Variants in TMCC1 observed in about 807,000 individuals in gnomAD.
The protein encoded by TMCC1 is transmembrane and coiled-coil domains protein 1.
TMCC1 carries 15 observed loss-of-function variants against 52.4 expected under a neutral mutation model. The observed-to-expected ratio is 0.29, with a 90% CI of 0.19 to 0.44. The LOEUF is 0.44. TMCC1 is among the 20% of genes least tolerant of loss of function. The pLI, the probability that TMCC1 is intolerant of heterozygous loss-of-function variation, is 1.00. For missense variants in TMCC1, 503 were observed against 806.0 expected, an observed-to-expected ratio of 0.62 and a Z score of 4.55; for synonymous variants, 279 against 301.9, an observed-to-expected ratio of 0.92 and a Z score of 0.79.
At chr3:129,837,757 C>A (rs893486061) in intron 2 of TMCC1, among the ~76,000 whole-genome samples, 1 of 152,022 alleles carries the variant, frequency 6.6e-6, no homozygotes, top group Non-Finnish European at 1.5e-5. Context: ...ACAGTAAAAA[C>A]TCTAATGAAA....
intron 4 of TMCC1, among the ~76,000 whole-genome samples, chr3:129,778,337 CA>C (rs2055210653): frequency 6.6e-6 from 1 of 152,078 alleles, no homozygotes; most frequent in Admixed American, 6.5e-5. Flanking sequence ...ACACTAAGGT[CA>C]AAAGAGCATG....
intron 4 of TMCC1, among the ~76,000 whole-genome samples, chr3:129,766,427 A>G (rs2054135714): frequency 6.6e-6 from 1 of 152,218 alleles, no homozygotes; most frequent in African/African-American, 2.4e-5. Context: ...GAATACAAAG[A>G]TGACTGTGTT....
intron 2 of TMCC1, among the ~76,000 whole-genome samples, chr3:129,835,179 T>G (rs765284533): frequency 1.3e-5 from 2 of 152,220 alleles, no homozygotes; most frequent in African/African-American, 2.4e-5. Flanking sequence ...CTCTTTCCTT[T>G]GATCCTCTTG....
intron 4 of TMCC1, among the ~76,000 whole-genome samples, chr3:129,733,460 C>T (rs2050704534): frequency 6.6e-6 from 1 of 152,140 alleles, no homozygotes; most frequent in African/African-American, 2.4e-5. Context: ...ACCATGGAAG[C>T]CTCTTAGTAG....
intron 1 of TMCC1, chr3:129,893,191 G>A (rs967810374): frequency 6.6e-6 from 1 of 152,276 alleles, no homozygotes; most frequent in African/African-American, 2.4e-5. Context: ...CCTCGGCCCT[G>A]GGATGCTGGG....
intron 4 of TMCC1, among the ~76,000 whole-genome samples, chr3:129,691,504 G>A (rs551400445): frequency 9.7e-4 from 147 of 152,064 alleles, no homozygotes; most frequent in Admixed American, 1.8e-3. Context: ...ACAACAGCCA[G>A]GCGTGGTGGC....
intron 4 of TMCC1, among the ~76,000 whole-genome samples, chr3:129,765,205 T>C (rs929159340): frequency 1.3e-5 from 2 of 151,784 alleles, no homozygotes; most frequent in African/African-American, 4.8e-5. Flanking sequence ...AAAAATTATA[T>C]ATATGATATT....
chr3:129,704,432 T>G (rs2108980519), intron 4 of TMCC1, among the ~76,000 whole-genome samples: 1 of 152,340 alleles, frequency 6.6e-6, no homozygotes, highest in East Asian at 1.9e-4. Context: ...ATTTGTTTAT[T>G]TTTTGAGACA....
In TMCC1 at chr3:129,760,043, TAG is replaced by T. The variant is rs912258964; in HGVS notation, c.576+67758_576+67759del. ...GCCCAAAAAAATTTTTTTTAATTAA[TAG>T]ATTTTATTTTTTAGAATAGTTTAAG... is the stretch of plus-strand genomic sequence containing the variant. On this transcript the variant is annotated intron_variant, in intron 4 of 6. Transcript: ENST00000393238. Among the ~76,000 whole-genome samples the T allele has an allele frequency of 3.6e-3, 541 of 151,852 alleles. 2 individuals carry two copies. The highest frequency in any genetic ancestry group is 0.012 in the African/African-American group (485 of 41,370).
At chr3:129,666,587 A>C (rs954069514) in intron 5 of TMCC1, among the ~76,000 whole-genome samples, 1 of 151,892 alleles carries the variant, frequency 6.6e-6, no homozygotes, top group Admixed American at 6.6e-5. Flanking sequence ...AAAAATACAA[A>C]AAAGTAGCTG....
chr3:129,813,795 AT>A (rs1439371446), intron 4 of TMCC1, among the ~76,000 whole-genome samples: 1 of 152,058 alleles, frequency 6.6e-6, no homozygotes, highest in Non-Finnish European at 1.5e-5. Context: ...TGAACCTAAA[AT>A]AAAAGTTAAA....
intron 4 of TMCC1, among the ~76,000 whole-genome samples, chr3:129,738,414 T>C (rs1197112199): frequency 6.6e-6 from 1 of 152,228 alleles, no homozygotes; most frequent in Non-Finnish European, 1.5e-5. Flanking sequence ...ATTCCTGGAA[T>C]AGATCTTCAT....
At chr3:129,786,292 C>T (rs1478627961) in intron 4 of TMCC1, among the ~76,000 whole-genome samples, 1 of 152,134 alleles carries the variant, frequency 6.6e-6, no homozygotes, top group Non-Finnish European at 1.5e-5. Flanking sequence ...GCCTTTCCCT[C>T]TCAACAAAAT....
At chr3:129,806,251 C>T (rs1043699577) in intron 4 of TMCC1, among the ~76,000 whole-genome samples, 2 of 152,108 alleles carry the variant, frequency 1.3e-5, no homozygotes, top group South Asian at 4.1e-4. Context: ...AGGCATAAAC[C>T]TACACAGGCA....
chr3:129,737,772 CA>C (rs994670050), intron 4 of TMCC1, among the ~76,000 whole-genome samples: 4 of 152,184 alleles, frequency 2.6e-5, no homozygotes, highest in African/African-American at 4.8e-5. Context: ...TAAATAACTA[CA>C]ATGCCATTCT....
chr3:129,885,538 T>A (rs1007694409), intron 1 of TMCC1, among the ~76,000 whole-genome samples: 1 of 151,918 alleles, frequency 6.6e-6, no homozygotes, highest in Non-Finnish European at 1.5e-5. Flanking sequence ...TGAGCTGAGA[T>A]CGTGCCACTG....
intron 2 of TMCC1, among the ~76,000 whole-genome samples, chr3:129,865,025 C>A (rs1319916049): frequency 6.6e-6 from 1 of 152,120 alleles, no homozygotes; most frequent in African/African-American, 2.4e-5. Context: ...AGACTTTGTT[C>A]TAGGTAGGGA....
chr3:129,692,446 C>T (rs559010438), intron 4 of TMCC1, among the ~76,000 whole-genome samples: 1 of 152,244 alleles, frequency 6.6e-6, no homozygotes, highest in South Asian at 2.1e-4. Flanking sequence ...ATTGTTTAAA[C>T]ATAGTTTTAA....
chr3:129,790,829 T>G (rs543126216), intron 4 of TMCC1, among the ~76,000 whole-genome samples: 1 of 152,334 alleles, frequency 6.6e-6, no homozygotes, highest in African/African-American at 2.4e-5. Context: ...ATTCCATGTT[T>G]AATATGGCTT....
Sources: gnomAD v4.1 joint callset for allele counts (sites outside exome capture counted in the v4.1 genomes callset) on GRCh38, gnomAD v4.1.1 for gene constraint, MANE v1.5 for transcripts, NCBI Gene and HGNC (gene_info 2026-07-23, HGNC 2026-07-21) for gene names.